Variants in FKBP5 observed in about 807,000 individuals in gnomAD.
FKBP5 encodes the protein peptidyl-prolyl cis-trans isomerase FKBP5.
In FKBP5, 23 loss-of-function variants were observed where a neutral mutation model predicts 50.5. The ratio of observed to expected loss-of-function variants is 0.46; its 90% CI spans 0.33 to 0.65. The LOEUF (loss-of-function observed/expected upper bound fraction) is 0.65, where lower values mean the gene tolerates loss of function less well. Among genes scored for constraint, FKBP5 ranks in the 30% least tolerant of loss-of-function variants. The pLI is 0.02. For missense variants in FKBP5, 411 were observed against 553.1 expected, an observed-to-expected ratio of 0.74 and a Z score of 2.58; for synonymous variants, 176 against 190.6, an observed-to-expected ratio of 0.92 and a Z score of 0.63.
At chr6:35,584,650 T>C (rs1192581010) in intron 8 of FKBP5, 2 of 985,336 alleles carry the variant, frequency 2.0e-6, no homozygotes. Context: ...CCTATAATTA[T>C]AAAGGTGCCT....
At chr6:35,641,419 A>G (rs1764485644) in intron 2 of FKBP5, among the ~76,000 whole-genome samples, 1 of 152,222 alleles carries the variant, frequency 6.6e-6, no homozygotes, top group Non-Finnish European at 1.5e-5. Flanking sequence ...CTGTGACTGC[A>G]GTGCAGTAGG....
intron 3 of FKBP5, among the ~76,000 whole-genome samples, chr6:35,622,178 C>G (rs188108727): frequency 6.6e-6 from 1 of 152,246 alleles, no homozygotes; most frequent in African/African-American, 2.4e-5. Flanking sequence ...AATATTACAA[C>G]TTTTCAAAAT....
chr6:35,723,168 G>C (rs1000528053), intron 1 of FKBP5, among the ~76,000 whole-genome samples: 3 of 152,164 alleles, frequency 2.0e-5, no homozygotes, highest in African/African-American at 7.2e-5. Context: ...GGGAGGCAGA[G>C]GTTGCAGTGA....
At chr6:35,579,889 G>T in intron 9 of FKBP5, 147 bp downstream of exon 9, 2 of 598,440 alleles carry the variant, frequency 3.3e-6, no homozygotes, top group Non-Finnish European at 5.6e-6. Context: ...AATTCATACT[G>T]AGAAACAAAT....
chr6:35,657,487 G>C (rs1764987953), intron 1 of FKBP5, among the ~76,000 whole-genome samples: 1 of 152,116 alleles, frequency 6.6e-6, no homozygotes, highest in African/African-American at 2.4e-5. Flanking sequence ...GATCATTCTT[G>C]TGTAGTCATC....
chr6:35,687,634 G>T (rs1368408129), intron 1 of FKBP5, among the ~76,000 whole-genome samples: 2 of 152,128 alleles, frequency 1.3e-5, no homozygotes, highest in African/African-American at 4.8e-5. Context: ...ACTCAGAGAG[G>T]CAAAGAAAGC....
In FKBP5 at chr6:35,620,989, CAAAA is replaced by C. The variant is rs773187843; in HGVS notation, c.251-719_251-716del. 2.7e-5 allele frequency among the ~76,000 whole-genome samples: 4 copies of C among 150,890 alleles called. No individual in the cohort carries two copies. In the East Asian group the frequency reaches 7.8e-4, roughly 29 times the overall value. The stretch of plus-strand genomic sequence containing the variant: ...GAAGCTTATAATTTAGTTGGGTAGA[CAAAA>C]AAAACAACAAAACAAGAAGTAACCA... On this transcript the variant is annotated intron_variant, in intron 3 of 10. Coordinates refer to ENST00000357266, the MANE Select transcript of FKBP5 (RefSeq NM_004117.4).
chr6:35,589,095 T>G (rs1762715832), intron 7 of FKBP5, among the ~76,000 whole-genome samples: 1 of 128,222 alleles, frequency 7.8e-6, no homozygotes, highest in Admixed American at 8.3e-5. Context: ...TATATTTTTA[T>G]ATATATATAT....
At chr6:35,656,278 T>C (rs377751815) in intron 1 of FKBP5, among the ~76,000 whole-genome samples, 1 of 152,230 alleles carries the variant, frequency 6.6e-6, no homozygotes, top group East Asian at 1.9e-4. Flanking sequence ...TCAGATCTAC[T>C]ATTAACTAGC....
At chr6:35,583,238 CCTCT>C (rs1250880268) in intron 8 of FKBP5, 1 of 985,276 alleles carries the variant, frequency 1.0e-6, no homozygotes, top group African/African-American at 1.7e-5. Context: ...TCTCCTCCTC[CCTCT>C]CTAATGCATT....
intron 2 of FKBP5, among the ~76,000 whole-genome samples, chr6:35,641,482 T>C (rs992310684): frequency 6.6e-5 from 10 of 152,226 alleles, no homozygotes; most frequent in Non-Finnish European, 5.9e-5. Flanking sequence ...CTACCCATGC[T>C]ACAACAGCTA....
Position 35,575,444 on chromosome 6 carries a change from T to TTTTTTTTTAAAATCC in FKBP5, c.*390_*391insGGATTTTAAAAAAAA, listed in dbSNP as rs528638813. On this transcript the variant is annotated 3_prime_UTR_variant, in exon 11 of 11. Transcript: ENST00000357266. The stretch of plus-strand genomic sequence containing the variant: ...AGGAAAGGAGAAATTCATGAAGCAT[T>TTTTTTTTTAAAATCC]TTTTTTTTAAAGGTTTCTGCAGTGC... The TTTTTTTTTAAAATCC allele has an allele frequency of 4.6e-3, 684 of 148,046 alleles. 1 individual carries two copies. The highest frequency in any genetic ancestry group is 6.4e-3 in the Non-Finnish European group (471 of 73,680). 9.2% of individuals were successfully genotyped at this position (148,046 alleles called of 1,614,324 possible). A position where few individuals can be genotyped will look rare whatever the true frequency, so the allele number is the denominator to read the frequency against.
intron 1 of FKBP5, among the ~76,000 whole-genome samples, chr6:35,675,424 G>C (rs1036176584): frequency 6.6e-6 from 1 of 152,200 alleles, no homozygotes; most frequent in Non-Finnish European, 1.5e-5. Context: ...GCAAACATTA[G>C]CTGGGCGTGG....
At chr6:35,652,979 C>G (rs761725048) in intron 1 of FKBP5, among the ~76,000 whole-genome samples, 17 of 152,192 alleles carry the variant, frequency 1.1e-4, no homozygotes, top group South Asian at 2.1e-4. Flanking sequence ...AGAAAAGAAC[C>G]TACGTGATTA....
chr6:35,650,475 A>AT lies in FKBP5; in HGVS notation c.-19-7633dup, dbSNP rs1350257254. ...ACACAAACAGTGTAATTTATTTTTT[A>AT]TTTTTTTAAATTTTTTGAGACAGAC... On this transcript the variant is annotated intron_variant, in intron 1 of 10. Coordinates refer to ENST00000357266, the MANE Select transcript of FKBP5 (RefSeq NM_004117.4). Among the ~76,000 whole-genome samples the AT allele has an allele frequency of 3.5e-4, 52 of 149,520 alleles. 1 individual carries two copies. The highest frequency in any genetic ancestry group is 2.1e-3 in the Admixed American group (32 of 14,988).
At chr6:35,707,670 G>A (rs1361352771) in intron 2 of FKBP5, among the ~76,000 whole-genome samples, 1 of 152,072 alleles carries the variant, frequency 6.6e-6, no homozygotes, top group Non-Finnish European at 1.5e-5. Context: ...GCACCCAAGA[G>A]TTATTTTTTC....
upstream of FKBP5, among the ~76,000 whole-genome samples, chr6:35,693,796 C>G (rs997043138): frequency 1.3e-5 from 2 of 152,076 alleles, no homozygotes; most frequent in Non-Finnish European, 2.9e-5. Context: ...GCTGGGATTA[C>G]AGGTGTGAGC....
chr6:35,686,926 C>T (rs531222670), intron 1 of FKBP5, among the ~76,000 whole-genome samples: 1 of 152,318 alleles, frequency 6.6e-6, no homozygotes, highest in African/African-American at 2.4e-5. Context: ...ACAAAGACCT[C>T]ATAGCTTGTT....
chr6:35,638,716 C>A (rs1271134459), intron 2 of FKBP5, among the ~76,000 whole-genome samples: 1 of 152,138 alleles, frequency 6.6e-6, no homozygotes, highest in Non-Finnish European at 1.5e-5. Context: ...TCGCACCCAG[C>A]CCCAAATATT....
Sources: allele counts gnomAD v4.1 joint callset (sites outside exome capture counted in the v4.1 genomes callset), GRCh38; gene constraint gnomAD v4.1.1; transcripts MANE v1.5; gene names NCBI Gene and HGNC (gene_info 2026-07-23, HGNC 2026-07-21).